HECW2: variants seen among roughly 807,000 people sequenced by gnomAD.
The protein encoded by HECW2 is E3 ubiquitin-protein ligase HECW2.
HECW2 carries 61 observed loss-of-function variants against 175.2 expected under a neutral mutation model. The observed-to-expected ratio is 0.35, with a 90% CI of 0.28 to 0.43. The LOEUF is 0.43. Ranked by LOEUF, HECW2 falls within the 20% of genes least tolerant of loss-of-function variation. HECW2 has a pLI of 1.00. For missense variants in HECW2, 1,524 were observed against 2,000.5 expected (o/e 0.76, Z 4.54); for synonymous variants, 671 against 731.0 (o/e 0.92, Z 1.32).
intron 1 of HECW2, among the ~76,000 whole-genome samples, chr2:196,503,280 A>AT (rs1247952628): frequency 1.3e-5 from 2 of 152,176 alleles, no homozygotes; most frequent in African/African-American, 4.8e-5. Flanking sequence ...CCTATATCTC[A>AT]GAGTGCCACA....
chr2:196,467,808 G>A (rs1393824559), intron 1 of HECW2, among the ~76,000 whole-genome samples: 2 of 152,246 alleles, frequency 1.3e-5, no homozygotes, highest in South Asian at 2.1e-4. Flanking sequence ...TAAATGTCAT[G>A]TTTCCCTGAC....
chr2:196,497,826 G>A (rs905330362), intron 1 of HECW2, among the ~76,000 whole-genome samples: 3 of 152,236 alleles, frequency 2.0e-5, no homozygotes, highest in Admixed American at 2.0e-4. Flanking sequence ...AAGGAATGCT[G>A]ATCACAGAGG....
At position 196,484,709 on chromosome 2, in the gene HECW2, C is replaced by A. The variant is rs188690932; in HGVS notation, c.-35-51251G>T. Among the ~76,000 whole-genome samples the A allele has an allele frequency of 3.4e-3, 523 of 152,242 alleles. 1 individual carries two copies. The highest frequency in any genetic ancestry group is 0.014 in the Middle Eastern group (4 of 294). Reference sequence around the variant, plus strand: ...CAACCTATTTTGGTTCATACATTCACCCCCTAATACACCCCATGCCAGGCA... The same window carrying A: ...CAACCTATTTTGGTTCATACATTCAACCCCTAATACACCCCATGCCAGGCA... On this transcript the variant is annotated intron_variant, in intron 1 of 28. Coordinates refer to ENST00000644978, the MANE Select transcript of HECW2 (RefSeq NM_001348768.2).
intron 2 of HECW2, among the ~76,000 whole-genome samples, chr2:196,378,502 T>C (rs189803415): frequency 5.3e-5 from 8 of 152,298 alleles, no homozygotes; most frequent in African/African-American, 1.9e-4. Flanking sequence ...ATAAAATGTT[T>C]AAACACGAGT....
At chr2:196,337,568 T>TAA (rs761653516) in intron 3 of HECW2, among the ~76,000 whole-genome samples, 5 of 36,916 alleles carry the variant, frequency 1.4e-4, no homozygotes, top group African/African-American at 1.6e-4. Flanking sequence ...GGGAAAAAAA[T>TAA]AAAAAAATAT....
At chr2:196,557,888 T>C (rs1344778557) in intron 1 of HECW2, among the ~76,000 whole-genome samples, 2 of 152,152 alleles carry the variant, frequency 1.3e-5, no homozygotes, top group Non-Finnish European at 2.9e-5. Flanking sequence ...TTTTCTACAA[T>C]GAAAATTTCT....
chr2:196,265,315 T>C (rs1460752062), intron 17 of HECW2, among the ~76,000 whole-genome samples: 1 of 152,124 alleles, frequency 6.6e-6, no homozygotes, highest in Non-Finnish European at 1.5e-5. Context: ...TGAAACCCCA[T>C]CTCTACTGAA....
At position 196,320,332 on chromosome 2, in the gene HECW2, A is replaced by G; in HGVS notation, c.985+7T>C. 6.4e-7 allele frequency: 1 copy of G among 1,556,002 alleles called. No homozygotes were observed. Among genetic ancestry groups the G allele is most frequent in the South Asian group, 1.1e-5 (1 of 89,542 alleles). Reference sequence around the variant, plus strand: ...AATGTATTCATACAGATATATTTATATCTCACCTTCATGAACAGAAGACGT... The same window carrying G: ...AATGTATTCATACAGATATATTTATGTCTCACCTTCATGAACAGAAGACGT... On this transcript the variant is annotated splice_region_variant and intron_variant, in intron 8 of 28. Transcript: ENST00000644978.
chr2:196,301,562 T>C (rs767174686), intron 13 of HECW2, among the ~76,000 whole-genome samples: 1 of 152,176 alleles, frequency 6.6e-6, no homozygotes, highest in Non-Finnish European at 1.5e-5. Flanking sequence ...TTTTTCATAA[T>C]GGCCATTCTG....
chr2:196,561,441 C>T (rs751355501), intron 1 of HECW2, among the ~76,000 whole-genome samples: 6 of 152,166 alleles, frequency 3.9e-5, no homozygotes, highest in African/African-American at 9.7e-5. Flanking sequence ...CCGCCCTGAC[C>T]TTCTGCCTTG....
chr2:196,402,204 A>T (rs1273265616), intron 2 of HECW2, among the ~76,000 whole-genome samples: 58 of 123,384 alleles, frequency 4.7e-4, no homozygotes, highest in African/African-American at 1.9e-3. Context: ...CTGTCTCAAA[A>T]AAAAAAAAAA....
rs192803431 is a variant in HECW2 at position 196,538,421 on chromosome 2, T to C, written c.-36+55087A>G. ...AAAAAGGGTAATATGCTAGCTGGCATAGCAGCCCTACATTCATTCTGGCAG... is the reference window on the plus strand; with the variant it reads ...AAAAAGGGTAATATGCTAGCTGGCACAGCAGCCCTACATTCATTCTGGCAG... On this transcript the variant is annotated intron_variant, in intron 1 of 28. Coordinates refer to ENST00000644978, the MANE Select transcript of HECW2 (RefSeq NM_001348768.2). Among the ~76,000 whole-genome samples, 734 of 152,330 alleles carry C rather than the reference T, an allele frequency of 4.8e-3. 20 individuals are homozygous for C. Among genetic ancestry groups the C allele is most frequent in the Admixed American group, 0.044 (668 of 15,304 alleles).
chr2:196,349,842 T>C (rs1466696113), intron 2 of HECW2, among the ~76,000 whole-genome samples: 2 of 152,170 alleles, frequency 1.3e-5, no homozygotes, highest in Admixed American at 6.5e-5. Flanking sequence ...AGCTTGTTAA[T>C]GAGGTGAGAA....
intron 28 of HECW2, among the ~76,000 whole-genome samples, chr2:196,208,637 C>T (rs904909714): frequency 9.2e-5 from 14 of 152,130 alleles, no homozygotes; most frequent in African/African-American, 3.1e-4. Context: ...ACCTCTAACC[C>T]GAGTCTTGGG....
intron 1 of HECW2, among the ~76,000 whole-genome samples, chr2:196,575,415 T>C (rs1444376933): frequency 6.6e-6 from 1 of 152,178 alleles, no homozygotes; most frequent in African/African-American, 2.4e-5. Context: ...TCTGGGTATA[T>C]AACCCAAGGA....
At chr2:196,314,990 G>C (rs1380141539) in intron 10 of HECW2, among the ~76,000 whole-genome samples, 1 of 152,108 alleles carries the variant, frequency 6.6e-6, no homozygotes, top group African/African-American at 2.4e-5. Context: ...AGCAAGGGCA[G>C]CCAAGCGATT....
chr2:196,587,088 T>G (rs1051587837), intron 1 of HECW2, among the ~76,000 whole-genome samples: 1 of 152,254 alleles, frequency 6.6e-6, no homozygotes, highest in Non-Finnish European at 1.5e-5. Context: ...CATACTTATT[T>G]TGCTACAAGG....
At chr2:196,590,340 AAATC>A (rs1691143038) in intron 1 of HECW2, among the ~76,000 whole-genome samples, 1 of 152,216 alleles carries the variant, frequency 6.6e-6, no homozygotes, top group Non-Finnish European at 1.5e-5. Flanking sequence ...TGCCTCTGTT[AAATC>A]AATCAAACTT....
chr2:196,344,322 GAAAAA>G (rs60573890), intron 2 of HECW2, among the ~76,000 whole-genome samples: 1 of 67,636 alleles, frequency 1.5e-5, no homozygotes, highest in South Asian at 6.8e-4. Flanking sequence ...GACAAGATAA[GAAAAA>G]AAAAAAAAAA....
Sources: gnomAD v4.1 joint callset for allele counts (sites outside exome capture counted in the v4.1 genomes callset) on GRCh38, gnomAD v4.1.1 for gene constraint, MANE v1.5 for transcripts, NCBI Gene and HGNC (gene_info 2026-07-23, HGNC 2026-07-21) for gene names.